MYO9B: variants seen among roughly 807,000 people sequenced by gnomAD.
MYO9B encodes the protein myosin IXB.
MYO9B carries 71 observed loss-of-function variants against 229.5 expected under a neutral mutation model. The observed-to-expected ratio is 0.31, with a 90% CI of 0.26 to 0.38. The LOEUF (loss-of-function observed/expected upper bound fraction) is 0.38. Ranked by LOEUF, MYO9B falls within the 10% of genes least tolerant of loss-of-function variation. The probability of loss-of-function intolerance (pLI) is 1.00; values close to 1 mark genes in which losing one functional copy is unlikely to be tolerated. For synonymous variants in MYO9B, 1,185 were observed against 1,235.8 expected, an observed-to-expected ratio of 0.96 and a Z score of 0.86; for missense variants, 2,255 against 2,920.5, an observed-to-expected ratio of 0.77 and a Z score of 5.25.
chr19:17,147,622 G>A (rs2072427348), intron 3 of MYO9B, among the ~76,000 whole-genome samples: 1 of 146,666 alleles, frequency 6.8e-6, no homozygotes, highest in Non-Finnish European at 1.5e-5. Flanking sequence ...GTGCATGCCT[G>A]TGATCCAGAA....
intron 2 of MYO9B, among the ~76,000 whole-genome samples, chr19:17,134,494 C>G (rs1034276351): frequency 7.2e-6 from 1 of 139,826 alleles, no homozygotes; most frequent in African/African-American, 2.7e-5. Flanking sequence ...CGGTTTCAAG[C>G]GATTTTCGTG....
In MYO9B at chr19:17,163,001, G is replaced by T. The variant is rs773353415; in HGVS notation, c.1550G>T (p.Gly517Val). The change falls in exon 10 of 40, where the codon GGG (glycine) becomes GTG (valine). Residue 517 changes from glycine (G) to valine (V), a missense_variant. Around this residue, in one of 7 missense-constraint regions of MYO9B, gnomAD observed 220 missense variants for 404.5 expected, o/e 0.54. Transcript: ENST00000682292. ...TGTCTCTCCCAGTGCCTGTCCATTG[G>T]GGTCCTGGACATCTTCGGGTTTGAA... The part of the protein sequence containing the change: ...VEEAVSCLSI[G>V]VLDIFGFEDF... 6.2e-7 allele frequency: 1 copy of T among 1,610,226 alleles called. No individual in the cohort carries two copies. The highest frequency in any genetic ancestry group is 8.5e-7 in the Non-Finnish European group (1 of 1,178,414).
chr19:17,097,044 T>C (rs2057700005), intron 1 of MYO9B, among the ~76,000 whole-genome samples: 1 of 151,684 alleles, frequency 6.6e-6, no homozygotes, highest in Non-Finnish European at 1.5e-5. Context: ...GGCTCACGCT[T>C]GTAAATCCCA....
At position 17,206,163 on chromosome 19, in the gene MYO9B, T is replaced by A; in HGVS notation, c.5257+11T>A. On this transcript the variant is annotated intron_variant, in intron 32 of 39. Transcript: ENST00000682292. ...AGGCGCTGCAGACAGGTGGGCGCTG[T>A]GGGCAGGTGGGTGCAGTGCCAGGCC... 6.2e-7 allele frequency: 1 copy of A among 1,608,552 alleles called. No individual in the cohort carries two copies. Among genetic ancestry groups the A allele is most frequent in the Non-Finnish European group, 8.5e-7 (1 of 1,177,956 alleles).
chr19:17,192,940 G>T lies in MYO9B; in HGVS notation c.3006G>T (p.Thr1002=). The change falls in exon 21 of 40, where the codon ACG becomes ACT. Residue 1002 remains threonine, a synonymous_variant. Coordinates refer to ENST00000682292, the MANE Select transcript of MYO9B (RefSeq NM_004145.4). ...SYRVRRALER[T]QAAVYLQASW... is the part of the protein sequence containing the mutation. The stretch of plus-strand genomic sequence containing the variant: ...GGGTCCGGAGGGCGCTGGAGAGGAC[G>T]CAGGCTGCCGTGTACCTCCAGGCCT... 6.5e-7 allele frequency: 1 copy of T among 1,544,644 alleles called. No individual in the cohort carries two copies.
chr19:17,107,972 A>T (rs879781347), intron 2 of MYO9B, among the ~76,000 whole-genome samples: 1 of 152,108 alleles, frequency 6.6e-6, no homozygotes, highest in South Asian at 2.1e-4. Flanking sequence ...TTCAAGTCCT[A>T]CCTGGCCCCT....
chr19:17,165,628 C>T (rs2072651000), intron 10 of MYO9B, among the ~76,000 whole-genome samples: 1 of 151,682 alleles, frequency 6.6e-6, no homozygotes, highest in Non-Finnish European at 1.5e-5. Flanking sequence ...TTTTTATTAA[C>T]CAGGCATATA....
At chr19:17,183,904 A>G (rs1238155914) in intron 16 of MYO9B, 36 bp downstream of exon 16, 2 of 1,541,982 alleles carry the variant, frequency 1.3e-6, no homozygotes, top group Admixed American at 2.0e-5. Flanking sequence ...GACACGTTCC[A>G]AGATATCTTG....
rs772125648 is a variant in MYO9B at position 17,206,182 on chromosome 19, C to G, written c.5257+30C>G. 7.5e-6 allele frequency: 12 copies of G among 1,606,678 alleles called. No individual in the cohort carries two copies. The African/African-American group carries it at 1.6e-4, about 21-fold the overall frequency. ...GCGCTGTGGGCAGGTGGGTGCAGTG[C>G]CAGGCCCCAGGCACAGCCGTCCTGC... On this transcript the variant is annotated intron_variant, in intron 32 of 39. Coordinates refer to ENST00000682292, the MANE Select transcript of MYO9B (RefSeq NM_004145.4).
intron 1 of MYO9B, among the ~76,000 whole-genome samples, chr19:17,082,114 A>C (rs1488109336): frequency 2.6e-5 from 4 of 152,210 alleles, no homozygotes; most frequent in African/African-American, 4.8e-5. Context: ...ATCCTTCAGC[A>C]AAAAGGAAGT....
chr19:17,192,110 C>T (rs942856038), intron 20 of MYO9B, among the ~76,000 whole-genome samples: 2 of 151,788 alleles, frequency 1.3e-5, no homozygotes, highest in African/African-American at 2.4e-5. Flanking sequence ...TGCCCGCCAC[C>T]ACACCTGACT....
intron 16 of MYO9B, among the ~76,000 whole-genome samples, chr19:17,184,325 C>G (rs2072893297): frequency 6.6e-6 from 1 of 152,192 alleles, no homozygotes; most frequent in Non-Finnish European, 1.5e-5. Context: ...CTCCCAAGCG[C>G]TCTGTCTCGT....
intron 2 of MYO9B, among the ~76,000 whole-genome samples, chr19:17,120,209 C>T (rs1048874091): frequency 6.6e-6 from 1 of 152,202 alleles, no homozygotes; most frequent in African/African-American, 2.4e-5. Context: ...AGGGCAGTGC[C>T]TGCTGTGGCT....
Position 17,211,686 on chromosome 19 carries a change from G to A in MYO9B, c.5970G>A (p.Arg1990=), listed in dbSNP as rs1280766575. The change falls in exon 39 of 40, where the codon AGG becomes AGA. Residue 1990 remains arginine (R), a synonymous_variant. Coordinates refer to ENST00000682292, the MANE Select transcript of MYO9B (RefSeq NM_004145.4). ...ACCGGCTGCCGGAGCTGGACCCAAG[G>A]GGCTCGGACGAGGAGAACCTGGACT... ...ITYRLPELDP[R]GSDEENLDSE... is the part of the protein sequence containing the mutation. 3.1e-6 allele frequency: 5 copies of A among 1,611,728 alleles called. No individual in the cohort carries two copies. The highest frequency in any genetic ancestry group is 3.4e-5 in the Admixed American group (2 of 59,550).
chr19:17,179,166 C>T (rs1478226822), intron 14 of MYO9B, among the ~76,000 whole-genome samples: 3 of 152,090 alleles, frequency 2.0e-5, no homozygotes, highest in Non-Finnish European at 4.4e-5. Flanking sequence ...GCCAGGAGAG[C>T]ACCCCCACCC....
chr19:17,209,557 T>G (rs2145522266), intron 35 of MYO9B, 29 bp from the exon 36 acceptor site: 1 of 1,564,862 alleles, frequency 6.4e-7, no homozygotes, highest in Admixed American at 1.9e-5. Flanking sequence ...GGTAACTGAG[T>G]CACTTCCTCC....
intron 17 of MYO9B, 102 bp downstream of exon 17, chr19:17,185,089 A>G: frequency 6.4e-7 from 1 of 1,554,844 alleles, no homozygotes; most frequent in South Asian, 1.2e-5. Context: ...AAAAATACAA[A>G]AATTGGCCGG....
In MYO9B at chr19:17,195,239, C is replaced by A. The variant is rs778566214; in HGVS notation, c.3812C>A (p.Thr1271Asn). The A allele has an allele frequency of 4.3e-6, 7 of 1,612,098 alleles. No homozygotes were observed. In the South Asian group the frequency reaches 7.7e-5, roughly 18 times the overall value. The change falls in exon 22 of 40, where the codon ACC (threonine) becomes AAC (asparagine). Residue 1271 changes from threonine to asparagine, a missense_variant. By Grantham distance (65) the Thr-to-Asn change is moderately conservative. Around this residue, in one of 7 missense-constraint regions of MYO9B, gnomAD observed 679 missense variants for 770.2 expected, o/e 0.88. Transcript: ENST00000682292. This position sits in a 1 kb window ranked among gnomAD's most constrained non-coding sequence, Gnocchi z 4.5. The stretch of plus-strand genomic sequence containing the variant: ...CCGGCCCCTGGCAGCGCCCCCGAGA[C>A]CCCCGAGGACAAGAGCAAACCATGT... Reference protein sequence around the residue: ...SPPAPGSAPETPEDKSKPCGS... With the variant: ...SPPAPGSAPENPEDKSKPCGS...
At chr19:17,122,593 C>G (rs1173775944) in intron 2 of MYO9B, among the ~76,000 whole-genome samples, 1 of 152,120 alleles carries the variant, frequency 6.6e-6, no homozygotes, top group Non-Finnish European at 1.5e-5. Flanking sequence ...AAAATCATTC[C>G]TACATCACAG....
Sources: allele counts gnomAD v4.1 joint callset (sites outside exome capture counted in the v4.1 genomes callset), GRCh38; gene constraint gnomAD v4.1.1; regional missense constraint gnomAD v4.1.1; non-coding constraint Gnocchi (gnomAD v3.1); transcripts MANE v1.5; gene names NCBI Gene and HGNC (gene_info 2026-07-23, HGNC 2026-07-21).